Variants in SMYD3 observed in about 807,000 individuals in gnomAD.
SMYD3 encodes the protein SET and MYND domain containing 3.
A neutral mutation model predicts 57.7 loss-of-function variants in SMYD3; 36 were observed. The ratio of observed to expected loss-of-function variants is 0.62; its 90% CI spans 0.48 to 0.82. The LOEUF (loss-of-function observed/expected upper bound fraction) is 0.82, where lower values mean the gene tolerates loss of function less well. SMYD3 is among the 40% of genes least tolerant of loss of function. The probability of loss-of-function intolerance (pLI) is 0.00; values close to 1 mark genes in which losing one functional copy is unlikely to be tolerated. For missense variants in SMYD3, 515 were observed against 538.8 expected, an observed-to-expected ratio of 0.96 and a Z score of 0.44; for synonymous variants, 211 against 195.0, an observed-to-expected ratio of 1.08 and a Z score of -0.68.
intron 5 of SMYD3, among the ~76,000 whole-genome samples, chr1:245,936,094 C>T (rs1456531715): frequency 1.3e-5 from 2 of 152,130 alleles, no homozygotes; most frequent in Non-Finnish European, 2.9e-5. Context: ...TTTAATCATT[C>T]CACCTTGTAT....
chr1:245,840,639 T>G (rs1489407227), intron 10 of SMYD3, among the ~76,000 whole-genome samples: 1 of 152,166 alleles, frequency 6.6e-6, no homozygotes, highest in East Asian at 1.9e-4. Flanking sequence ...TAGATCTTTA[T>G]TTTTCATACC....
intron 5 of SMYD3, among the ~76,000 whole-genome samples, chr1:246,133,671 G>T (rs896636179): frequency 4.6e-5 from 7 of 152,050 alleles, no homozygotes. Context: ...TGCATCAGGA[G>T]AAACATCTTC....
intron 5 of SMYD3, among the ~76,000 whole-genome samples, chr1:246,147,338 G>A (rs1378394497): frequency 1.3e-5 from 2 of 152,146 alleles, no homozygotes; most frequent in East Asian, 3.9e-4. Flanking sequence ...TCCAGCCAGG[G>A]GAGCAGCCCT....
intron 8 of SMYD3, among the ~76,000 whole-genome samples, chr1:245,882,534 G>T (rs1178406359): frequency 6.6e-6 from 1 of 152,076 alleles, no homozygotes; most frequent in Non-Finnish European, 1.5e-5. Flanking sequence ...GTGTTGAGAG[G>T]AAAAAGTGAA....
chr1:245,969,619 G>A (rs1166461075), intron 5 of SMYD3, among the ~76,000 whole-genome samples: 5 of 152,176 alleles, frequency 3.3e-5, no homozygotes, highest in Non-Finnish European at 7.3e-5. Flanking sequence ...TAACCAAGGG[G>A]GGAAAGGCCA....
Position 245,944,284 on chromosome 1 carries a change from C to T in SMYD3, c.532-14347G>A, listed in dbSNP as rs190658375. 5.1e-3 allele frequency among the ~76,000 whole-genome samples: 773 copies of T among 152,168 alleles called. 6 individuals are homozygous for T. Among genetic ancestry groups the T allele is most frequent in the African/African-American group, 0.017 (687 of 41,522 alleles). The stretch of plus-strand genomic sequence containing the variant: ...AGCTTCTTAAGCTGATGAGCAACTT[C>T]AGCAAACTCTCGGGATTAAAAAAAA... On this transcript the variant is annotated intron_variant, in intron 5 of 11. Transcript: ENST00000490107.
intron 5 of SMYD3, 56 bp from the exon 6 acceptor site, chr1:245,929,993 G>T: frequency 6.7e-7 from 1 of 1,488,852 alleles, no homozygotes. Flanking sequence ...AAACTTCATA[G>T]CCAAGAGAAT....
In SMYD3 at chr1:246,428,910, T is replaced by C. The variant is rs541363287; in HGVS notation, c.165-73816A>G. Reference sequence around the variant, plus strand: ...TGCTCTGCCCTCTTCCAGAGCTAGCTTGCAGCTCAGTCTGGCTCCCCGTCA... The same window carrying C: ...TGCTCTGCCCTCTTCCAGAGCTAGCCTGCAGCTCAGTCTGGCTCCCCGTCA... On this transcript the variant is annotated intron_variant, in intron 1 of 11. Transcript: ENST00000490107. Among the ~76,000 whole-genome samples the C allele has an allele frequency of 3.1e-4, 47 of 151,964 alleles. 1 individual carries two copies. The highest frequency in any genetic ancestry group is 1.1e-3 in the African/African-American group (45 of 41,468).
intron 7 of SMYD3, among the ~76,000 whole-genome samples, chr1:245,916,793 T>C (rs923128929): frequency 2.6e-5 from 4 of 152,090 alleles, no homozygotes; most frequent in African/African-American, 7.2e-5. Flanking sequence ...ATAAAATATG[T>C]CAGATGACAT....
chr1:246,363,161 A>G (rs1488878755), intron 1 of SMYD3, among the ~76,000 whole-genome samples: 35 of 128,930 alleles, frequency 2.7e-4, no homozygotes, highest in East Asian at 4.6e-4. Context: ...GCCCCGTCTG[A>G]GAAGTGAGGA....
chr1:245,770,692 G>C (rs1346300372), intron 10 of SMYD3, among the ~76,000 whole-genome samples: 2 of 152,114 alleles, frequency 1.3e-5, no homozygotes, highest in Non-Finnish European at 2.9e-5. Context: ...AAGACCTACA[G>C]GTACTGAAAT....
intron 10 of SMYD3, among the ~76,000 whole-genome samples, chr1:245,786,696 G>A (rs1165332880): frequency 6.6e-6 from 1 of 150,562 alleles, no homozygotes; most frequent in African/African-American, 2.5e-5. Context: ...CACACGTGAA[G>A]CCTAATTCAT....
At chr1:246,290,663 A>G (rs964424556) in intron 5 of SMYD3, among the ~76,000 whole-genome samples, 4 of 152,228 alleles carry the variant, frequency 2.6e-5, no homozygotes, top group African/African-American at 9.6e-5. Flanking sequence ...CTAGCAAGGC[A>G]GAAGGAATAA....
Position 246,302,371 on chromosome 1 carries a change from T to C in SMYD3, c.531+24830A>G, listed in dbSNP as rs1399850549. Among the ~76,000 whole-genome samples, 3 of 152,136 alleles carry C rather than the reference T, an allele frequency of 2.0e-5. No individual in the cohort carries two copies. The East Asian group carries it at 5.8e-4, about 29-fold the overall frequency. ...GCATTTTTCAGTCATAGCCAACAAA[T>C]TCCTTTTGTGCTTCATTCAATGTGG... On this transcript the variant is annotated intron_variant, in intron 5 of 11. Transcript: ENST00000490107.
In SMYD3 at chr1:245,861,351, CT is replaced by C. The variant is rs909584032; in HGVS notation, c.901+2447del. ...GATTCCTAGTGGACAGAACGGATAT[CT>C]TTTTTTCCTGAATACTTTTAAATGA... On this transcript the variant is annotated intron_variant, in intron 9 of 11. Coordinates refer to ENST00000490107, the MANE Select transcript of SMYD3 (RefSeq NM_001167740.2). Among the ~76,000 whole-genome samples, 144 of 152,264 alleles carry C rather than the reference CT, an allele frequency of 9.5e-4. 1 individual carries two copies. Among genetic ancestry groups the C allele is most frequent in the Admixed American group, 1.4e-3 (22 of 15,298 alleles).
chr1:246,285,335 A>G (rs2064538895), intron 5 of SMYD3, among the ~76,000 whole-genome samples: 3 of 152,208 alleles, frequency 2.0e-5, no homozygotes, highest in Admixed American at 2.0e-4. Context: ...TCATGTATAT[A>G]TACCACAATT....
rs1441979749 is a variant in SMYD3 at position 246,474,134 on chromosome 1, G to A, written c.164+32920C>T. Among the ~76,000 whole-genome samples the A allele has an allele frequency of 3.9e-5, 6 of 152,192 alleles. No homozygotes were observed. The East Asian group carries it at 7.7e-4, about 20-fold the overall frequency. The stretch of plus-strand genomic sequence containing the variant: ...ATTCAAAATGTTCTAATTCTACATC[G>A]GAGTGTTTTCAGCTTTTACCTAAAC... On this transcript the variant is annotated intron_variant, in intron 1 of 11. Transcript: ENST00000490107.
At chr1:246,378,654 TACACACACAC>T (rs1553339972) in intron 1 of SMYD3, among the ~76,000 whole-genome samples, 6 of 128,672 alleles carry the variant, frequency 4.7e-5, no homozygotes, top group African/African-American at 9.0e-5. Flanking sequence ...TATATATATA[TACACACACAC>T]ATATATATAT....
intron 5 of SMYD3, among the ~76,000 whole-genome samples, chr1:246,068,299 AAAG>A (rs1212375348): frequency 1.3e-5 from 2 of 151,738 alleles, no homozygotes; most frequent in Non-Finnish European, 2.9e-5. Flanking sequence ...AAAAAAAAAA[AAAG>A]AACACCCACG....
Sources: allele counts gnomAD v4.1 joint callset (sites outside exome capture counted in the v4.1 genomes callset), GRCh38; gene constraint gnomAD v4.1.1; transcripts MANE v1.5; gene names NCBI Gene and HGNC (gene_info 2026-07-23, HGNC 2026-07-21).